The following APBB2 variants were observed in gnomAD, a reference collection of about 807,000 sequenced individuals.
APBB2 encodes amyloid beta precursor protein binding family B member 2.
In APBB2, 38 loss-of-function variants were observed where a neutral mutation model predicts 82.5. That is an observed-to-expected ratio of 0.46 (90% CI 0.36 to 0.60). The LOEUF is 0.60. Ranked by LOEUF, APBB2 falls within the 20% of genes least tolerant of loss-of-function variation. The probability of loss-of-function intolerance (pLI) is 0.00; values close to 1 mark genes in which losing one functional copy is unlikely to be tolerated. For synonymous variants in APBB2, 341 were observed against 368.2 expected (o/e 0.93, Z 0.85); for missense variants, 772 against 972.3 (o/e 0.79, Z 2.74).
intron 2 of APBB2, among the ~76,000 whole-genome samples, chr4:41,121,064 T>C (rs1345832411): frequency 6.6e-6 from 1 of 152,212 alleles, no homozygotes; most frequent in African/African-American, 2.4e-5. Flanking sequence ...GTCTTCACAG[T>C]TTTAACATGC....
At position 40,965,533 on chromosome 4, in the gene APBB2, G is replaced by A. The variant is rs146344438; in HGVS notation, c.836-20460C>T. On this transcript the variant is annotated intron_variant, in intron 6 of 17. Transcript: ENST00000508593. ...TTGAGATGTGCTGTCAGTATAAAACGCACATGAATTTGGAAAACAATAAAA... is the reference window on the plus strand; with the variant it reads ...TTGAGATGTGCTGTCAGTATAAAACACACATGAATTTGGAAAACAATAAAA... Among the ~76,000 whole-genome samples the A allele has an allele frequency of 7.2e-3, 1,102 of 152,030 alleles. 6 individuals are homozygous for A. The highest frequency in any genetic ancestry group is 0.011 in the Non-Finnish European group (744 of 67,962).
intron 4 of APBB2, among the ~76,000 whole-genome samples, chr4:41,044,750 C>A (rs558320137): frequency 1.3e-5 from 2 of 152,140 alleles, no homozygotes; most frequent in Non-Finnish European, 2.9e-5. Context: ...TGTCTAGATG[C>A]CCAAAGGACT....
intron 1 of APBB2, among the ~76,000 whole-genome samples, chr4:41,150,004 T>C (rs1170597210): frequency 3.9e-5 from 6 of 152,322 alleles, no homozygotes; most frequent in Admixed American, 1.3e-4. Flanking sequence ...CAGTCTTGGG[T>C]ATTTCTTCAT....
intron 6 of APBB2, among the ~76,000 whole-genome samples, chr4:40,969,099 T>G (rs1795353290): frequency 6.6e-6 from 1 of 152,248 alleles, no homozygotes; most frequent in Admixed American, 6.5e-5. Flanking sequence ...CCACTAAACC[T>G]CTTTTTCTTT....
At chr4:41,177,457 G>A (rs1273347160) in intron 1 of APBB2, 2 of 152,148 alleles carry the variant, frequency 1.3e-5, no homozygotes, top group Admixed American at 1.3e-4. Context: ...TTTAAAATAG[G>A]TTTTGTTCTT....
intron 5 of APBB2, among the ~76,000 whole-genome samples, chr4:41,022,996 A>T (rs1712316054): frequency 6.6e-6 from 1 of 152,226 alleles, no homozygotes; most frequent in African/African-American, 2.4e-5. Flanking sequence ...AAGAGTTAAA[A>T]TAAAATCCTT....
chr4:40,955,773 T>C (rs966904481), intron 6 of APBB2, among the ~76,000 whole-genome samples: 6 of 151,796 alleles, frequency 4.0e-5, no homozygotes, highest in South Asian at 2.1e-4. Flanking sequence ...CATATTTTTC[T>C]TTTTCTTTTT....
chr4:41,165,215 T>C (rs556269931), intron 1 of APBB2, among the ~76,000 whole-genome samples: 1 of 152,332 alleles, frequency 6.6e-6, no homozygotes, highest in African/African-American at 2.4e-5. Flanking sequence ...ACTTAACTGT[T>C]TCCTCACTGC....
intron 5 of APBB2, among the ~76,000 whole-genome samples, chr4:41,015,426 G>A (rs1019838896): frequency 2.6e-5 from 4 of 152,090 alleles, no homozygotes; most frequent in Non-Finnish European, 2.9e-5. Flanking sequence ...AGCAGCAGAT[G>A]AACCAAAGCA....
At chr4:40,932,464 A>G (rs1018435633) in intron 10 of APBB2, among the ~76,000 whole-genome samples, 1 of 152,210 alleles carries the variant, frequency 6.6e-6, no homozygotes, top group African/African-American at 2.4e-5. Context: ...TACAGAACCA[A>G]CTGGCAATAT....
intron 4 of APBB2, among the ~76,000 whole-genome samples, chr4:41,056,008 T>C (rs10938507): frequency 0.25 from 38,232 of 151,790 alleles, 5,242 homozygotes; most frequent in Non-Finnish European, 0.3. Flanking sequence ...GCCTGGCCAA[T>C]GTGGTGAAAC....
chr4:41,033,063 G>A (rs1398033816), intron 5 of APBB2, among the ~76,000 whole-genome samples, 173 bp downstream of exon 5: 4 of 152,038 alleles, frequency 2.6e-5, no homozygotes, highest in Non-Finnish European at 4.4e-5. Context: ...GATTACAGGC[G>A]TGAGCCACCG....
At chr4:41,005,744 G>C (rs962265957) in intron 6 of APBB2, among the ~76,000 whole-genome samples, 3 of 152,216 alleles carry the variant, frequency 2.0e-5, no homozygotes, top group African/African-American at 7.2e-5. Flanking sequence ...AGTAAAGAGA[G>C]AGAAAACAAT....
intron 12 of APBB2, among the ~76,000 whole-genome samples, chr4:40,836,406 G>A (rs1302327000): frequency 6.6e-6 from 1 of 152,234 alleles, no homozygotes; most frequent in East Asian, 1.9e-4. Flanking sequence ...GAACTCAGGA[G>A]ATGGAGGTTG....
chr4:40,930,601 T>C (rs1334688178), intron 10 of APBB2, among the ~76,000 whole-genome samples: 1 of 152,176 alleles, frequency 6.6e-6, no homozygotes, highest in East Asian at 1.9e-4. Flanking sequence ...AGTGTCCCCA[T>C]CCTGACAGTC....
intron 1 of APBB2, among the ~76,000 whole-genome samples, chr4:41,207,198 C>CA (rs368548129): frequency 0.012 from 791 of 67,320 alleles, 57 homozygotes; most frequent in African/African-American, 0.032. Context: ...GACTCCGTCT[C>CA]AAAAAAAAAA....
intron 4 of APBB2, among the ~76,000 whole-genome samples, chr4:41,054,788 T>G (rs1398806664): frequency 6.6e-6 from 1 of 151,682 alleles, no homozygotes; most frequent in African/African-American, 2.4e-5. Flanking sequence ...AGCTTTGAGG[T>G]GCAGCTCGCT....
At chr4:41,159,940 G>A (rs747288793) in intron 1 of APBB2, among the ~76,000 whole-genome samples, 3,450 of 39,552 alleles carry the variant, frequency 0.087, 236 homozygotes, top group Non-Finnish European at 0.12. Context: ...GGAGGAGGAG[G>A]AGGAGAAGGA....
chr4:40,827,233 A>C lies in APBB2; in HGVS notation c.1645-14T>G. ...TTCAGCCATAATCTAAGGGGGAAAA[A>C]GTGCAGCTTTGGAGCGTGGGTTCAA... On this transcript the variant is annotated splice_polypyrimidine_tract_variant and intron_variant, in intron 13 of 17. Transcript: ENST00000508593. 6.2e-7 allele frequency: 1 copy of C among 1,613,668 alleles called. No homozygotes were observed. The highest frequency in any genetic ancestry group is 2.2e-5 in the East Asian group (1 of 44,874).
Sources: gnomAD v4.1 joint callset for allele counts (sites outside exome capture counted in the v4.1 genomes callset) on GRCh38, gnomAD v4.1.1 for gene constraint, MANE v1.5 for transcripts, NCBI Gene and HGNC (gene_info 2026-07-23, HGNC 2026-07-21) for gene names.